The following SGCE variants were observed in gnomAD, a reference collection of about 807,000 sequenced individuals.
SGCE encodes epsilon-sarcoglycan.
A neutral mutation model predicts 57.8 loss-of-function variants in SGCE; 26 were observed. That is an observed-to-expected ratio of 0.45 (90% CI 0.33 to 0.62). The LOEUF (loss-of-function observed/expected upper bound fraction) is 0.62. SGCE is among the 20% of genes least tolerant of loss of function. The pLI is 0.02. For missense variants in SGCE, 468 were observed against 548.6 expected (o/e 0.85, Z 1.47); for synonymous variants, 183 against 189.5 (o/e 0.97, Z 0.28).
chr7:94,646,139 C>T (rs1333578735), intron 1 of SGCE, among the ~76,000 whole-genome samples: 1 of 152,192 alleles, frequency 6.6e-6, no homozygotes, highest in Non-Finnish European at 1.5e-5. Context: ...TTGAGGGCTG[C>T]AGTTTAACCC....
chr7:94,623,748 CAAT>C (rs1803213883), intron 3 of SGCE: 1 of 390,788 alleles, frequency 2.6e-6, no homozygotes, highest in African/African-American at 2.1e-5. Flanking sequence ...AAAAAAAAAA[CAAT>C]AATTTTTGTA....
Position 94,598,787 on chromosome 7 carries a change from A to G in SGCE, c.1241T>C (p.Met414Thr). Reference sequence around the variant, plus strand: ...AGTGGACACTTACTGCTGCGTTTGCATCAATGGCATGTTTGTGCTATCATA... The same window carrying G: ...AGTGGACACTTACTGCTGCGTTTGCGTCAATGGCATGTTTGTGCTATCATA... ...DNYDSTNMPL[M>T]QTQQNLPHQT... is the part of the protein sequence containing the mutation. The change falls in exon 9 of 11, where the codon ATG becomes ACG. Residue 414 changes from methionine (M) to threonine (T), a missense_variant. By Grantham distance (81) the Met-to-Thr change is moderately conservative. Coordinates refer to ENST00000648936, the MANE Select transcript of SGCE (RefSeq NM_003919.3). 1.2e-6 allele frequency: 2 copies of G among 1,611,034 alleles called. No individual in the cohort carries two copies. Among genetic ancestry groups the G allele is most frequent in the South Asian group, 2.2e-5 (2 of 91,010 alleles).
intron 5 of SGCE, among the ~76,000 whole-genome samples, chr7:94,607,618 T>C (rs1260872657): frequency 6.6e-6 from 1 of 152,052 alleles, no homozygotes. Context: ...AAAAAAAAAT[T>C]CTTAGTAAAC....
At chr7:94,599,938 A>C in intron 7 of SGCE, 1 of 409,322 alleles carries the variant, frequency 2.4e-6, no homozygotes, top group Non-Finnish European at 4.3e-6. Flanking sequence ...AAAATGAAAA[A>C]AATGGAGATT....
In SGCE at chr7:94,601,460, A is replaced by C. The variant is rs1021464995; in HGVS notation, c.826-603T>G. Among the ~76,000 whole-genome samples, 116 of 68,924 alleles carry C rather than the reference A, an allele frequency of 1.7e-3. No homozygotes were observed. The Admixed American group carries it at 0.017, about 10-fold the overall frequency. 45.2% of individuals were successfully genotyped at this position (68,924 alleles called of 152,430 possible). A position where few individuals can be genotyped will look rare whatever the true frequency, so the allele number is the denominator to read the frequency against. On this transcript the variant is annotated intron_variant, in intron 6 of 10. Coordinates refer to ENST00000648936, the MANE Select transcript of SGCE (RefSeq NM_003919.3). ...CCCAGTATCAAAAAAAAAAAAAAAAAAAAAAAAAAAAAAAAACTACAACAG... is the reference window on the plus strand; with the variant it reads ...CCCAGTATCAAAAAAAAAAAAAAAACAAAAAAAAAAAAAAAACTACAACAG...
At chr7:94,647,246 G>C (rs1807237488) in intron 1 of SGCE, among the ~76,000 whole-genome samples, 1 of 151,962 alleles carries the variant, frequency 6.6e-6, no homozygotes, top group African/African-American at 2.4e-5. Flanking sequence ...CCTGTGTGTG[G>C]CACCACCATC....
rs188815325 is a variant in SGCE at position 94,642,564 on chromosome 7, C to T, written c.110-12723G>A. Among the ~76,000 whole-genome samples, 24 of 152,236 alleles carry T rather than the reference C, an allele frequency of 1.6e-4. No homozygotes were observed. The East Asian group carries it at 2.7e-3, about 17-fold the overall frequency. ...TCTAGGTAGATGGGTTACACAATTC[C>T]GTCAGGTAATTCACATACAAAACTG... On this transcript the variant is annotated intron_variant, in intron 1 of 10. Coordinates refer to ENST00000648936, the MANE Select transcript of SGCE (RefSeq NM_003919.3).
At chr7:94,614,754 T>A (rs573682325) in intron 5 of SGCE, among the ~76,000 whole-genome samples, 1 of 152,280 alleles carries the variant, frequency 6.6e-6, no homozygotes, top group Non-Finnish European at 1.5e-5. Context: ...ATTATCTGAT[T>A]ATTTGCCTGC....
intron 8 of SGCE, chr7:94,599,184 TTA>T: frequency 2.0e-6 from 1 of 494,836 alleles, no homozygotes; most frequent in Non-Finnish European, 3.6e-6. Flanking sequence ...CATAGGTGTT[TTA>T]TTAAACTAAG....
intron 5 of SGCE, among the ~76,000 whole-genome samples, chr7:94,616,123 A>G (rs193130779): frequency 6.6e-6 from 1 of 152,248 alleles, no homozygotes; most frequent in African/African-American, 2.4e-5. Flanking sequence ...AATGCTCATC[A>G]AGAAGGATGA....
Position 94,585,316 on chromosome 7 carries a change from T to G in SGCE, c.*183A>C. 1 of 525,904 alleles carries G rather than the reference T, an allele frequency of 1.9e-6. No homozygotes were observed. The highest frequency in any genetic ancestry group is 3.4e-6 in the Non-Finnish European group (1 of 294,020). The allele number at this position is 525,904 out of a possible 1,614,324, so 32.6% of individuals were successfully genotyped here. A position where few individuals can be genotyped will look rare whatever the true frequency, so the allele number is the denominator to read the frequency against. ...GTTTTACAAATTGTCAAAAATGCTT[T>G]AAGTACAAAAAAATACATTAGTAAA... On this transcript the variant is annotated 3_prime_UTR_variant, in exon 11 of 11. Coordinates refer to ENST00000648936, the MANE Select transcript of SGCE (RefSeq NM_003919.3).
chr7:94,588,362 T>A, intron 10 of SGCE: 1 of 1,130,094 alleles, frequency 8.8e-7, no homozygotes, highest in Non-Finnish European at 1.1e-6. Flanking sequence ...AAATCCTGGA[T>A]GCATCCAAGC....
At chr7:94,600,894 C>T (rs765872886) in intron 6 of SGCE, 37 bp from the exon 7 acceptor site, 3 of 1,488,074 alleles carry the variant, frequency 2.0e-6, no homozygotes, top group South Asian at 2.3e-5. Context: ...ACAAATTAAT[C>T]GTTGCAAACA....
chr7:94,616,261 C>A (rs920051989), intron 5 of SGCE, among the ~76,000 whole-genome samples: 17 of 152,260 alleles, frequency 1.1e-4, no homozygotes, highest in Admixed American at 7.9e-4. Context: ...TGCTGTTTAA[C>A]TGACTATACA....
chr7:94,600,546 AGT>A (rs891883949), intron 7 of SGCE, 98 bp downstream of exon 7: 5 of 805,862 alleles, frequency 6.2e-6, no homozygotes, highest in Non-Finnish European at 1.0e-5. Context: ...TCATTTACAA[AGT>A]GTTTTATGAA....
At position 94,598,824 on chromosome 7, in the gene SGCE, G is replaced by C; in HGVS notation, c.1204C>G (p.His402Asp). 6.2e-7 allele frequency: 1 copy of C among 1,613,258 alleles called. No homozygotes were observed. Among genetic ancestry groups the C allele is most frequent in the Non-Finnish European group, 8.5e-7 (1 of 1,179,228 alleles). The change falls in exon 9 of 11, where the codon CAC becomes GAC. Residue 402 changes from histidine to aspartate, a missense_variant. By Grantham distance (81) the His-to-Asp change is moderately conservative. Transcript: ENST00000648936. Reference protein sequence around the residue: ...PVTGEIIPPLHTDNYDSTNMP... With the variant: ...PVTGEIIPPLDTDNYDSTNMP... ...TTTGTGCTATCATAGTTGTCTGTGT[G>C]TAAAGGAGGTATGATTTCCCCAGTC...
intron 2 of SGCE, 149 bp downstream of exon 2, chr7:94,629,570 G>T: frequency 1.3e-6 from 1 of 748,776 alleles, no homozygotes; most frequent in Non-Finnish European, 2.3e-6. Context: ...TTTCTAATCT[G>T]TAAATGAGAA....
chr7:94,599,904 G>A, intron 7 of SGCE, 181 bp from the exon 8 acceptor site: 1 of 486,714 alleles, frequency 2.1e-6, no homozygotes, highest in Non-Finnish European at 3.6e-6. Flanking sequence ...TACAGCGATG[G>A]AATACTGATG....
chr7:94,618,540 A>G, intron 5 of SGCE: 2 of 532,546 alleles, frequency 3.8e-6, no homozygotes, highest in South Asian at 4.7e-5. Flanking sequence ...ATCCTCATCT[A>G]CAATTAGATT....
Sources: gnomAD v4.1 joint callset for allele counts (sites outside exome capture counted in the v4.1 genomes callset) on GRCh38, gnomAD v4.1.1 for gene constraint, MANE v1.5 for transcripts, NCBI Gene and HGNC (gene_info 2026-07-23, HGNC 2026-07-21) for gene names.